Variants in KCNJ3 observed in about 807,000 individuals in gnomAD.
KCNJ3 encodes the protein potassium inwardly rectifying channel subfamily J member 3.
Under a neutral mutation model 39.2 loss-of-function variants are expected in KCNJ3, and 4 were observed. The observed-to-expected ratio is 0.10, with a 90% CI of 0.05 to 0.23. The LOEUF (loss-of-function observed/expected upper bound fraction) is 0.23. Among genes scored for constraint, KCNJ3 ranks in the 10% least tolerant of loss-of-function variants. The pLI, the probability that KCNJ3 is intolerant of heterozygous loss-of-function variation, is 1.00. For missense variants in KCNJ3, 276 were observed against 634.9 expected, an observed-to-expected ratio of 0.43 and a Z score of 6.08; for synonymous variants, 230 against 237.4, an observed-to-expected ratio of 0.97 and a Z score of 0.29.
chr2:154,716,903 T>A (rs563535981), intron 2 of KCNJ3, among the ~76,000 whole-genome samples: 1 of 152,308 alleles, frequency 6.6e-6, no homozygotes, highest in Admixed American at 6.5e-5. Flanking sequence ...TGATTACCCA[T>A]GTTATTTTAG....
intron 2 of KCNJ3, among the ~76,000 whole-genome samples, chr2:154,723,522 G>A (rs1027471012): frequency 1.3e-5 from 2 of 152,138 alleles, no homozygotes; most frequent in East Asian, 1.9e-4. Context: ...TCAGGAGATC[G>A]CTGGGATCAC....
intron 2 of KCNJ3, among the ~76,000 whole-genome samples, chr2:154,814,219 A>G (rs1466351759): frequency 6.6e-6 from 1 of 152,224 alleles, no homozygotes; most frequent in Non-Finnish European, 1.5e-5. Context: ...ACATAAGGTG[A>G]CAGCTCTATT....
chr2:154,701,856 A>G (rs1374031298), intron 1 of KCNJ3, among the ~76,000 whole-genome samples: 1 of 152,028 alleles, frequency 6.6e-6, no homozygotes, highest in Non-Finnish European at 1.5e-5. Context: ...GTAGCTCTTC[A>G]ACTAGTCAGT....
At chr2:154,786,047 TG>T (rs1686523979) in intron 2 of KCNJ3, among the ~76,000 whole-genome samples, 1 of 152,208 alleles carries the variant, frequency 6.6e-6, no homozygotes, top group Admixed American at 6.5e-5. Flanking sequence ...ATGAAATTGA[TG>T]GTTATCTGTC....
At chr2:154,809,109 C>A (rs1686964725) in intron 2 of KCNJ3, among the ~76,000 whole-genome samples, 1 of 152,194 alleles carries the variant, frequency 6.6e-6, no homozygotes, top group Admixed American at 6.5e-5. Context: ...GTTTTCCTGA[C>A]CCCTCCCCAC....
intron 2 of KCNJ3, among the ~76,000 whole-genome samples, chr2:154,770,246 A>G (rs1034030475): frequency 1.3e-5 from 2 of 152,170 alleles, no homozygotes; most frequent in East Asian, 3.9e-4. Flanking sequence ...CCTCTGAACA[A>G]TCTTCTTTGA....
At chr2:154,845,159 C>T (rs527732638) in intron 2 of KCNJ3, among the ~76,000 whole-genome samples, 2 of 152,312 alleles carry the variant, frequency 1.3e-5, no homozygotes, top group South Asian at 4.1e-4. Context: ...TGCTCAGTCT[C>T]CCAGGCTGGA....
At chr2:154,843,863 T>TA (rs1687620472) in intron 2 of KCNJ3, among the ~76,000 whole-genome samples, 1 of 152,198 alleles carries the variant, frequency 6.6e-6, no homozygotes, top group Admixed American at 6.5e-5. Flanking sequence ...TCAAGGTTTT[T>TA]ACCTTCCTTG....
intron 2 of KCNJ3, among the ~76,000 whole-genome samples, chr2:154,828,513 G>A (rs1026189161): frequency 2.6e-5 from 4 of 152,156 alleles, no homozygotes; most frequent in Non-Finnish European, 5.9e-5. Flanking sequence ...TGTCGAGACT[G>A]GTCAAGAGAT....
chr2:154,734,127 T>G (rs1685485928), intron 2 of KCNJ3, among the ~76,000 whole-genome samples: 1 of 152,354 alleles, frequency 6.6e-6, no homozygotes, highest in South Asian at 2.1e-4. Flanking sequence ...ATAAATCTAC[T>G]TCTAACAGAA....
chr2:154,800,249 T>C (rs909180056), intron 2 of KCNJ3, among the ~76,000 whole-genome samples: 9 of 152,212 alleles, frequency 5.9e-5, no homozygotes, highest in African/African-American at 2.2e-4. Context: ...TGAATATAGT[T>C]TGGGCTGTTC....
intron 2 of KCNJ3, among the ~76,000 whole-genome samples, chr2:154,747,426 T>C (rs1378271623): frequency 1.3e-5 from 2 of 152,012 alleles, no homozygotes; most frequent in Non-Finnish European, 2.9e-5. Context: ...ATAAAACTTA[T>C]ATAACAAAGT....
chr2:154,778,396 TC>T (rs1558871762), intron 2 of KCNJ3, among the ~76,000 whole-genome samples: 2 of 152,206 alleles, frequency 1.3e-5, no homozygotes, highest in African/African-American at 4.8e-5. Context: ...GATCAAATTA[TC>T]CCTTGAAACT....
chr2:154,739,392 A>T (rs753879314), intron 2 of KCNJ3, among the ~76,000 whole-genome samples: 2 of 151,956 alleles, frequency 1.3e-5, no homozygotes, highest in Non-Finnish European at 2.9e-5. Flanking sequence ...TCTATTTAAG[A>T]TTCTTAGAAT....
intron 2 of KCNJ3, among the ~76,000 whole-genome samples, chr2:154,848,332 T>TA (rs1369290744): frequency 5.9e-5 from 9 of 152,080 alleles, no homozygotes; most frequent in Non-Finnish European, 1.3e-4. Flanking sequence ...AAAATCTTAT[T>TA]TACAGTTTTG....
intron 2 of KCNJ3, among the ~76,000 whole-genome samples, chr2:154,739,209 C>T (rs914767274): frequency 6.6e-6 from 1 of 151,728 alleles, no homozygotes; most frequent in African/African-American, 2.4e-5. Context: ...ATTTCCTATG[C>T]AAAAAGAGGT....
At chr2:154,748,377 G>A (rs1432917473) in intron 2 of KCNJ3, among the ~76,000 whole-genome samples, 2 of 151,940 alleles carry the variant, frequency 1.3e-5, no homozygotes, top group African/African-American at 2.4e-5. Flanking sequence ...GCATATTGAA[G>A]GTACGATAGT....
At chr2:154,716,389 T>C (rs1685181748) in intron 2 of KCNJ3, among the ~76,000 whole-genome samples, 1 of 150,470 alleles carries the variant, frequency 6.6e-6, no homozygotes, top group African/African-American at 2.4e-5. Flanking sequence ...CCTCCCAAAG[T>C]GCTGGGATTA....
chr2:154,703,866 G>A (rs1162832050), intron 1 of KCNJ3, among the ~76,000 whole-genome samples: 1 of 152,004 alleles, frequency 6.6e-6, no homozygotes, highest in Non-Finnish European at 1.5e-5. Context: ...ATCCACAAAT[G>A]AATGTCTATA....
Sources: gnomAD v4.1 joint callset for allele counts (sites outside exome capture counted in the v4.1 genomes callset) on GRCh38, gnomAD v4.1.1 for gene constraint, MANE v1.5 for transcripts, NCBI Gene and HGNC (gene_info 2026-07-23, HGNC 2026-07-21) for gene names.